CBFB: variants seen among roughly 807,000 people sequenced by gnomAD.
CBFB encodes core-binding factor subunit beta.
A neutral mutation model predicts 30.4 loss-of-function variants in CBFB; 9 were observed. That is an observed-to-expected ratio of 0.30 (90% confidence interval 0.18 to 0.52). The LOEUF is 0.52. Among genes scored for constraint, CBFB ranks in the 20% least tolerant of loss-of-function variants. CBFB has a pLI of 0.97. For missense variants in CBFB, 170 were observed against 244.0 expected (o/e 0.70, Z 2.02); for synonymous variants, 94 against 84.0 (o/e 1.12, Z -0.65).
At chr16:67,036,095 A>G (rs1597122290) in intron 2 of CBFB, among the ~76,000 whole-genome samples, 1 of 152,214 alleles carries the variant, frequency 6.6e-6, no homozygotes, top group Non-Finnish European at 1.5e-5. Context: ...AAAATCATCT[A>G]GGGTTTTAGA....
intron 3 of CBFB, among the ~76,000 whole-genome samples, chr16:67,054,816 G>A (rs1253105436): frequency 1.3e-5 from 2 of 151,730 alleles, no homozygotes; most frequent in Non-Finnish European, 2.9e-5. Flanking sequence ...GCAGTGGTGC[G>A]ATCTCGCCTC....
intron 5 of CBFB, among the ~76,000 whole-genome samples, chr16:67,095,209 TCAA>T (rs1471817996): frequency 0.024 from 500 of 21,158 alleles, 2 homozygotes; most frequent in Non-Finnish European, 0.032. Flanking sequence ...AAAGTGTGTC[TCAA>T]AAAAAAAAAA....
At chr16:67,037,558 T>TA (rs1966462617) in intron 3 of CBFB, among the ~76,000 whole-genome samples, 2 of 152,124 alleles carry the variant, frequency 1.3e-5, no homozygotes, top group Admixed American at 1.3e-4. Flanking sequence ...GAACATGTCT[T>TA]ACAGTTTCGA....
At chr16:67,061,410 T>C (rs926075537) in intron 3 of CBFB, among the ~76,000 whole-genome samples, 1 of 152,226 alleles carries the variant, frequency 6.6e-6, no homozygotes, top group African/African-American at 2.4e-5. Flanking sequence ...TAATAACTTT[T>C]CTTTTTAAAG....
At chr16:67,075,197 A>ATAGG (rs369475383) in intron 4 of CBFB, among the ~76,000 whole-genome samples, 4 of 142,662 alleles carry the variant, frequency 2.8e-5, no homozygotes, top group Non-Finnish European at 6.2e-5. Flanking sequence ...CTCAAAAAAA[A>ATAGG]TGTGTGTGTG....
At position 67,082,367 on chromosome 16, in the gene CBFB, CTG is replaced by C. The variant is rs776576382; in HGVS notation, c.495+63_495+64del. 40 of 1,593,610 alleles carry C rather than the reference CTG, an allele frequency of 2.5e-5. No homozygotes were observed. The African/African-American group carries it at 4.2e-4, about 17-fold the overall frequency. On this transcript the variant is annotated intron_variant, in intron 5 of 5. Transcript: ENST00000412916. ...TAGTACTTTCCCCCAAACTCTCAGGCTGTGTTTGTGATGTTTGTGCATAATGC... is the reference window on the plus strand; with the variant it reads ...TAGTACTTTCCCCCAAACTCTCAGGCTGTTTGTGATGTTTGTGCATAATGC...
At chr16:67,094,446 G>C (rs115375898) in intron 5 of CBFB, among the ~76,000 whole-genome samples, 5,536 of 152,186 alleles carry the variant, frequency 0.036, 149 homozygotes, top group South Asian at 0.079. Context: ...TTTCTGTGCA[G>C]CTGTGACCAG....
At chr16:67,043,327 C>G (rs1421639954) in intron 3 of CBFB, among the ~76,000 whole-genome samples, 1 of 152,122 alleles carries the variant, frequency 6.6e-6, no homozygotes, top group Non-Finnish European at 1.5e-5. Context: ...ATTTGAAATA[C>G]AGTTTTATGA....
intron 5 of CBFB, among the ~76,000 whole-genome samples, chr16:67,083,797 C>G (rs1961637573): frequency 6.6e-6 from 1 of 151,976 alleles, no homozygotes; most frequent in South Asian, 2.1e-4. Flanking sequence ...TTGTACTCTG[C>G]TTTAAACAGA....
intron 3 of CBFB, among the ~76,000 whole-genome samples, chr16:67,051,456 C>A (rs1455622141): frequency 6.6e-6 from 1 of 151,306 alleles, no homozygotes; most frequent in Non-Finnish European, 1.5e-5. Flanking sequence ...AATATATATC[C>A]AAAATAATGT....
At chr16:67,042,681 C>T (rs1966552273) in intron 3 of CBFB, among the ~76,000 whole-genome samples, 1 of 152,190 alleles carries the variant, frequency 6.6e-6, no homozygotes, top group Non-Finnish European at 1.5e-5. Flanking sequence ...GGTGGCTTCA[C>T]TTCCTAGTCA....
intron 5 of CBFB, among the ~76,000 whole-genome samples, chr16:67,085,327 G>A (rs949614961): frequency 2.0e-5 from 3 of 151,774 alleles, no homozygotes; most frequent in Admixed American, 6.6e-5. Context: ...CTGCCAGCAC[G>A]CCCGGCAAAT....
intron 2 of CBFB, among the ~76,000 whole-genome samples, chr16:67,034,746 A>G (rs1273013669): frequency 6.6e-6 from 1 of 152,196 alleles, no homozygotes; most frequent in Non-Finnish European, 1.5e-5. Context: ...TGAATACTGA[A>G]GAAACAAGCC....
chr16:67,089,025 G>A (rs975502048), intron 5 of CBFB, among the ~76,000 whole-genome samples: 1 of 152,260 alleles, frequency 6.6e-6, no homozygotes, highest in East Asian at 1.9e-4. Flanking sequence ...GAAAGTTTTC[G>A]ATCCTTCATG....
intron 5 of CBFB, among the ~76,000 whole-genome samples, chr16:67,094,531 T>G (rs1178809206): frequency 6.6e-6 from 1 of 152,234 alleles, no homozygotes; most frequent in East Asian, 1.9e-4. Context: ...TAAAATAATT[T>G]GAAAATTATT....
chr16:67,045,796 A>AT (rs576739034), intron 3 of CBFB, among the ~76,000 whole-genome samples: 14,746 of 133,598 alleles, frequency 0.11, 1,472 homozygotes, highest in African/African-American at 0.27. Context: ...TACTTTCTAC[A>AT]TTTTTTTTTT....
intron 3 of CBFB, among the ~76,000 whole-genome samples, chr16:67,039,356 C>T (rs1008375659): frequency 4.6e-5 from 7 of 152,134 alleles, no homozygotes; most frequent in African/African-American, 1.4e-4. Flanking sequence ...AGGGCACTTA[C>T]TTTGAATGGA....
chr16:67,053,248 C>CTTTTTTT (rs576629599), intron 3 of CBFB, among the ~76,000 whole-genome samples: 1 of 122,760 alleles, frequency 8.1e-6, no homozygotes, highest in Non-Finnish European at 1.7e-5. Context: ...CACTTTCTCT[C>CTTTTTTT]TTTTTTTTTT....
intron 3 of CBFB, among the ~76,000 whole-genome samples, chr16:67,050,612 T>G (rs1966724235): frequency 1.3e-5 from 2 of 151,944 alleles, no homozygotes; most frequent in Non-Finnish European, 2.9e-5. Flanking sequence ...CTGGGCAATA[T>G]GAGACCCTGT....
Sources: allele counts gnomAD v4.1 joint callset (sites outside exome capture counted in the v4.1 genomes callset), GRCh38; gene constraint gnomAD v4.1.1; transcripts MANE v1.5; gene names NCBI Gene and HGNC (gene_info 2026-07-23, HGNC 2026-07-21).